The following SACS variants were observed in gnomAD, a reference collection of about 807,000 sequenced individuals.
SACS encodes sacsin.
A neutral mutation model predicts 348.0 loss-of-function variants in SACS; 197 were observed. The ratio of observed to expected loss-of-function variants is 0.57; its 90% confidence interval spans 0.50 to 0.64. The LOEUF is 0.64. Among genes scored for constraint, SACS ranks in the 30% least tolerant of loss-of-function variants. SACS has a pLI of 0.00. For synonymous variants in SACS, 1,985 were observed against 1,910.6 expected (o/e 1.04, Z -1.02); for missense variants, 4,999 against 5,360.8 (o/e 0.93, Z 2.11).
intron 2 of SACS, among the ~76,000 whole-genome samples, chr13:23,389,861 G>A (rs1031375745): frequency 5.3e-5 from 8 of 152,300 alleles, no homozygotes; most frequent in Admixed American, 5.2e-4. Context: ...GTTGGGGGAT[G>A]GACAAGGGAG....
chr13:23,338,809 ACT>A lies in SACS; in HGVS notation c.5065_5066del (p.Ser1689CysfsTer12), dbSNP rs1372213267. 7.4e-6 allele frequency: 12 copies of A among 1,612,946 alleles called. No individual in the cohort carries two copies. Among genetic ancestry groups the A allele is most frequent in the Non-Finnish European group, 1.0e-5 (12 of 1,179,914 alleles). ...AGTACTTCAAATACATTGACTTTAC[ACT>A]CTGAGTGAAAATGATAAGCCTGTGT... The part of the protein sequence containing the change: ...CGHRLIIFTQ[S>X]VKSMYLKYLK... On this transcript the variant is annotated frameshift_variant, in exon 10 of 10. Transcript: ENST00000382292. LOFTEE classifies it high-confidence loss of function.
At chr13:23,388,685 C>T (rs1872406762) in intron 2 of SACS, among the ~76,000 whole-genome samples, 1 of 126,352 alleles carries the variant, frequency 7.9e-6, no homozygotes, top group Admixed American at 9.2e-5. Flanking sequence ...GCCATGGGTA[C>T]ACAAAAGCAT....
At chr13:23,402,670 T>C (rs1264781375) in intron 2 of SACS, among the ~76,000 whole-genome samples, 2 of 152,216 alleles carry the variant, frequency 1.3e-5, no homozygotes, top group Non-Finnish European at 2.9e-5. Flanking sequence ...GTTGACTTTA[T>C]GGAGAGAATG....
In SACS at chr13:23,334,588, A is replaced by G. The variant is rs1263477214; in HGVS notation, c.9288T>C (p.Ala3096=). The G allele has an allele frequency of 6.2e-7, 1 of 1,613,592 alleles. No individual in the cohort carries two copies. The highest frequency in any genetic ancestry group is 1.7e-5 in the Admixed American group (1 of 59,990). The change falls in exon 10 of 10, where the codon GCT becomes GCC. Residue 3096 remains alanine, a synonymous_variant. Transcript: ENST00000382292. The stretch of plus-strand genomic sequence containing the variant: ...ATGTCATTAAAAAAGATCTGATATC[A>G]GCAGGGGTCACATAACTAACAGGAA... ...ADIPVSYVTP[A]DIRSFLMTFS...
chr13:23,329,024 A>G lies in SACS; in HGVS notation c.*1112T>C, dbSNP rs1883306158. 1 of 161,760 alleles carries G rather than the reference A, an allele frequency of 6.2e-6. No individual in the cohort carries two copies. 10.0% of individuals were successfully genotyped at this position (161,760 alleles called of 1,614,324 possible). ...AGTATATTTAGCATCATTTACAGCC[A>G]GTACACTTATATAAACTAATTATCA... is the stretch of plus-strand genomic sequence containing the variant. On this transcript the variant is annotated 3_prime_UTR_variant, in exon 10 of 10. Transcript: ENST00000382292.
At position 23,332,660 on chromosome 13, in the gene SACS, A is replaced by C. The variant is rs1450972649; in HGVS notation, c.11216T>G (p.Val3739Gly). Residue 3739 changes from valine to glycine, a missense_variant, in exon 10 of 10, where the codon GTT (valine) becomes GGT (glycine). By Grantham distance (109) the Val-to-Gly change is moderately radical. Coordinates refer to ENST00000382292, the MANE Select transcript of SACS (RefSeq NM_014363.6). ...QLEQVLNMLN[V>G]NLDPPLDKVI... ...CTTATCAAGAGGAGGATCCAGGTTA[A>C]CATTAAGCATATTTAAAACTTGTTC... 6.2e-7 allele frequency: 1 copy of C among 1,613,850 alleles called. No individual in the cohort carries two copies. The highest frequency in any genetic ancestry group is 1.1e-5 in the South Asian group (1 of 91,082).
chr13:23,333,450 C>T lies in SACS; in HGVS notation c.10426G>A (p.Val3476Ile), dbSNP rs967523899. 1.2e-6 allele frequency: 2 copies of T among 1,612,322 alleles called. No individual in the cohort carries two copies. Among genetic ancestry groups the T allele is most frequent in the East Asian group, 2.2e-5 (1 of 44,846 alleles). The change falls in exon 10 of 10, where the codon GTA becomes ATA. Residue 3476 changes from valine (V) to isoleucine (I), a missense_variant. Transcript: ENST00000382292. Reference sequence around the variant, plus strand: ...TTTGGTAAGAGGTGTTTCAAATATACCTCAAGATCATCTACAGGTACACAA... The same window carrying T: ...TTTGGTAAGAGGTGTTTCAAATATATCTCAAGATCATCTACAGGTACACAA... ...IGCVPVDDLE[V>I]YLKHLLPKIE...
At chr13:23,398,602 T>C (rs1369891209) in intron 2 of SACS, among the ~76,000 whole-genome samples, 1 of 151,966 alleles carries the variant, frequency 6.6e-6, no homozygotes, top group Non-Finnish European at 1.5e-5. Context: ...AGCAGGGGCT[T>C]CCAGGCTATA....
Position 23,355,279 on chromosome 13 carries a change from A to G in SACS, c.1333T>C (p.Phe445Leu). The change falls in exon 8 of 10, where the codon TTT becomes CTT. Residue 445 changes from phenylalanine to leucine, a missense_variant. Phe to Leu is a conservative substitution (Grantham distance 22). Around this residue, in one of 6 missense-constraint regions of SACS, gnomAD observed 3,156 missense variants for 3,380.1 expected, o/e 0.93. Transcript: ENST00000382292. ...GATSDFSGKA[F>L]CFLPLPPGEE... ...CCAGGTGGTAAAGGAAGGAAACAAA[A>G]TGCTTTTCCTGAGAAATCAGACGTT... 1 of 1,614,164 alleles carries G rather than the reference A, an allele frequency of 6.2e-7. No individual in the cohort carries two copies. Among genetic ancestry groups the G allele is most frequent in the Non-Finnish European group, 8.5e-7 (1 of 1,180,044 alleles).
Position 23,329,182 on chromosome 13 carries a change from T to G in SACS, c.*954A>C. On this transcript the variant is annotated 3_prime_UTR_variant, in exon 10 of 10. Coordinates refer to ENST00000382292, the MANE Select transcript of SACS (RefSeq NM_014363.6). ...AATTATAAACTACTAGATAACACAA[T>G]GATTTTAACAATTTTTGATGTTTTT... The G allele has an allele frequency of 2.3e-6, 1 of 433,464 alleles. No homozygotes were observed. Among genetic ancestry groups the G allele is most frequent in the Non-Finnish European group, 4.0e-6 (1 of 249,410 alleles). 26.9% of individuals were successfully genotyped at this position (433,464 alleles called of 1,614,324 possible). A position where few individuals can be genotyped will look rare whatever the true frequency, so the allele number is the denominator to read the frequency against.
rs61742502 is a variant in SACS at position 23,335,532 on chromosome 13, C to T, written c.8344G>A (p.Ala2782Thr). 1.3e-3 allele frequency: 2,154 copies of T among 1,613,694 alleles called. 20 individuals carry two copies. The African/African-American group carries it at 0.025, about 19-fold the overall frequency. Residue 2782 changes from alanine to threonine, a missense_variant, in exon 10 of 10, where the codon GCA (alanine) becomes ACA (threonine). Transcript: ENST00000382292. This position sits in a 1 kb window ranked among gnomAD's most constrained non-coding sequence, Gnocchi z 4.7. ...TTAGTAACACTATCAATTACAGATG[C>T]ATGAAATTGTTTCCTTTTCAATCTG... ...GDRLKRKQFH[A>T]SVIDSVTKKR...
chr13:23,349,488 G>A (rs182090379), intron 9 of SACS, among the ~76,000 whole-genome samples: 7 of 152,126 alleles, frequency 4.6e-5, no homozygotes, highest in Admixed American at 2.0e-4. Flanking sequence ...ATTAAGTGCC[G>A]GATATTATGT....
chr13:23,414,165 G>A (rs1262120243), intron 1 of SACS, among the ~76,000 whole-genome samples: 4 of 152,146 alleles, frequency 2.6e-5, no homozygotes, highest in Admixed American at 6.6e-5. Context: ...TTAGCCGGGC[G>A]TGGTGGCGGG....
chr13:23,328,976 T>G lies in SACS; in HGVS notation c.*1160A>C, dbSNP rs1444030474. 6.5e-6 allele frequency: 1 copy of G among 153,298 alleles called. No homozygotes were observed. Among genetic ancestry groups the G allele is most frequent in the Non-Finnish European group, 1.5e-5 (1 of 68,550 alleles). The allele number at this position is 153,298 out of a possible 1,614,324, so 9.5% of individuals were successfully genotyped here. A position where few individuals can be genotyped will look rare whatever the true frequency, so the allele number is the denominator to read the frequency against. ...AAAAGTAAAAAAAGTTTCAACATGTTCTGTAAGCCCTTAATTGCATAAAGT... is the reference window on the plus strand; with the variant it reads ...AAAAGTAAAAAAAGTTTCAACATGTGCTGTAAGCCCTTAATTGCATAAAGT... On this transcript the variant is annotated 3_prime_UTR_variant, in exon 10 of 10. Coordinates refer to ENST00000382292, the MANE Select transcript of SACS (RefSeq NM_014363.6).
In SACS at chr13:23,332,726, T is replaced by A. The variant is rs1883567634; in HGVS notation, c.11150A>T (p.Lys3717Ile). The A allele has an allele frequency of 3.7e-6, 6 of 1,613,938 alleles. No homozygotes were observed. The highest frequency in any genetic ancestry group is 5.1e-6 in the Non-Finnish European group (6 of 1,179,958). The part of the protein sequence containing the change: ...LPEKATPLSI[K>I]EQEGSDLGPQ... ...ACCAAGGTCACTACCTTCTTGTTCT[T>A]TAATGCTTAAGGGTGTAGCTTTCTC... Residue 3717 changes from lysine (K) to isoleucine (I), a missense_variant, in exon 10 of 10, where the codon AAA (lysine) becomes ATA (isoleucine). Lys to Ile is a moderately radical substitution (Grantham distance 102). Coordinates refer to ENST00000382292, the MANE Select transcript of SACS (RefSeq NM_014363.6).
At chr13:23,378,065 G>C (rs992776662) in intron 2 of SACS, among the ~76,000 whole-genome samples, 1 of 152,206 alleles carries the variant, frequency 6.6e-6, no homozygotes, top group African/African-American at 2.4e-5. Context: ...ATGTTTCTGA[G>C]TTAGCATTCC....
In SACS at chr13:23,355,639, C is replaced by T. The variant is rs144303334; in HGVS notation, c.973G>A (p.Gly325Arg). Residue 325 changes from glycine (G) to arginine (R), a missense_variant, in exon 8 of 10, where the codon GGA (glycine) becomes AGA (arginine). Around this residue, in one of 6 missense-constraint regions of SACS, gnomAD observed 3,156 missense variants for 3,380.1 expected, o/e 0.93. Transcript: ENST00000382292. ...ACTCTAAACACCAGTTTCTCTGTTC[C>T]GTCAGCCTCTCGGACATATAAGGAA... ...DVSLYVREAD[G>R]TEKLVFRVTS... 2.0e-4 allele frequency: 318 copies of T among 1,614,100 alleles called. 1 individual carries two copies. Among genetic ancestry groups the T allele is most frequent in the Non-Finnish European group, 5.3e-5 (63 of 1,180,028 alleles).
intron 2 of SACS, among the ~76,000 whole-genome samples, chr13:23,388,377 G>A (rs1311520704): frequency 2.7e-5 from 4 of 145,758 alleles, no homozygotes; most frequent in Non-Finnish European, 6.0e-5. Context: ...GGAACCAATC[G>A]AAGTCCCCAT....
chr13:23,352,117 GACCTTCT>G (rs1869994736), intron 9 of SACS, among the ~76,000 whole-genome samples: 1 of 152,174 alleles, frequency 6.6e-6, no homozygotes, highest in African/African-American at 2.4e-5. Context: ...ATGCTCTGCT[GACCTTCT>G]ACCCTTCTCA....
Sources: gnomAD v4.1 joint callset for allele counts (sites outside exome capture counted in the v4.1 genomes callset) on GRCh38, gnomAD v4.1.1 for gene constraint, gnomAD v4.1.1 regional missense constraint, Gnocchi (gnomAD v3.1) non-coding constraint, MANE v1.5 for transcripts, NCBI Gene and HGNC (gene_info 2026-07-23, HGNC 2026-07-21) for gene names.